The following KALRN variants were observed in gnomAD, a reference collection of about 807,000 sequenced individuals.
KALRN encodes kalirin RhoGEF kinase.
KALRN carries 70 observed loss-of-function variants against 353.7 expected under a neutral mutation model. The ratio of observed to expected loss-of-function variants is 0.20; its 90% CI spans 0.16 to 0.24. The LOEUF (loss-of-function observed/expected upper bound fraction) is 0.24. KALRN is among the 10% of genes least tolerant of loss of function. KALRN has a pLI of 1.00. For synonymous variants in KALRN, 1,391 were observed against 1,434.8 expected (o/e 0.97, Z 0.69); for missense variants, 2,791 against 3,756.7 (o/e 0.74, Z 6.72).
At chr3:124,707,538 A>C (rs531740473) in intron 57 of KALRN, among the ~76,000 whole-genome samples, 1 of 151,768 alleles carries the variant, frequency 6.6e-6, no homozygotes, top group South Asian at 2.1e-4. Context: ...GCTTTGATAC[A>C]AGTGTGGGCC....
chr3:124,532,471 G>C (rs2068123190), intron 33 of KALRN, among the ~76,000 whole-genome samples: 1 of 152,150 alleles, frequency 6.6e-6, no homozygotes. Flanking sequence ...TCAGGTATAT[G>C]AGCTTTGAAA....
intron 1 of KALRN, among the ~76,000 whole-genome samples, chr3:124,138,145 C>T (rs987806425): frequency 6.6e-6 from 1 of 152,184 alleles, no homozygotes; most frequent in African/African-American, 2.4e-5. Context: ...GCCACTTCCA[C>T]CACCCTCCTG....
intron 54 of KALRN, among the ~76,000 whole-genome samples, chr3:124,697,342 A>G (rs1397162063): frequency 4.6e-5 from 7 of 152,158 alleles, no homozygotes; most frequent in Admixed American, 4.6e-4. Flanking sequence ...TAAACCTACC[A>G]TCAACATGTT....
At chr3:124,344,301 A>G (rs561891571) in intron 9 of KALRN, among the ~76,000 whole-genome samples, 2 of 152,240 alleles carry the variant, frequency 1.3e-5, no homozygotes, top group Non-Finnish European at 2.9e-5. Flanking sequence ...CAAGCCACAC[A>G]TAAATTTATA....
At chr3:124,301,756 A>G (rs561578936) in intron 6 of KALRN, among the ~76,000 whole-genome samples, 3 of 152,318 alleles carry the variant, frequency 2.0e-5, no homozygotes, top group African/African-American at 7.2e-5. Context: ...TGACTACAGG[A>G]ATGATCAGTT....
intron 1 of KALRN, among the ~76,000 whole-genome samples, chr3:124,092,014 G>A (rs2061147656): frequency 4.6e-5 from 7 of 152,146 alleles, no homozygotes; most frequent in Admixed American, 4.6e-4. Context: ...GCTCCAAGGA[G>A]CCCAGCCTGA....
chr3:124,362,300 C>T (rs1234158023), intron 10 of KALRN, among the ~76,000 whole-genome samples: 2 of 152,184 alleles, frequency 1.3e-5, no homozygotes, highest in African/African-American at 4.8e-5. Flanking sequence ...CAATTTTGTT[C>T]AGAATAAATT....
intron 13 of KALRN, among the ~76,000 whole-genome samples, chr3:124,403,600 T>A (rs1032111610): frequency 4.6e-5 from 7 of 152,160 alleles, no homozygotes; most frequent in Non-Finnish European, 2.9e-5. Context: ...TGGGGAGAAA[T>A]GGCATTCAAG....
At chr3:124,407,104 G>A (rs371330420) in intron 13 of KALRN, among the ~76,000 whole-genome samples, 14 of 152,192 alleles carry the variant, frequency 9.2e-5, no homozygotes, top group African/African-American at 1.7e-4. Context: ...GATTACAGGC[G>A]TGAGTCACTG....
At chr3:124,265,881 T>C (rs1198974386) in intron 4 of KALRN, among the ~76,000 whole-genome samples, 1 of 152,148 alleles carries the variant, frequency 6.6e-6, no homozygotes, top group Non-Finnish European at 1.5e-5. Flanking sequence ...TTTGGGAGGC[T>C]GAGGAGGGTG....
At chr3:124,589,393 C>A (rs901441213) in intron 34 of KALRN, among the ~76,000 whole-genome samples, 1 of 152,144 alleles carries the variant, frequency 6.6e-6, no homozygotes, top group Non-Finnish European at 1.5e-5. Flanking sequence ...CCCAGGAGAT[C>A]AAGACCAGCC....
intron 10 of KALRN, among the ~76,000 whole-genome samples, chr3:124,380,867 T>C (rs145567420): frequency 3.9e-5 from 6 of 152,198 alleles, no homozygotes; most frequent in Non-Finnish European, 8.8e-5. Flanking sequence ...AATTCTAGCA[T>C]GTAAGGTCTT....
At chr3:124,275,371 T>G (rs1259654775) in intron 5 of KALRN, among the ~76,000 whole-genome samples, 1 of 152,242 alleles carries the variant, frequency 6.6e-6, no homozygotes. Flanking sequence ...TACTTTTTGC[T>G]TTTGTGCTTT....
chr3:124,124,692 C>T (rs750935865), intron 1 of KALRN, among the ~76,000 whole-genome samples: 1 of 152,232 alleles, frequency 6.6e-6, no homozygotes, highest in Non-Finnish European at 1.5e-5. Context: ...CAACCACTAT[C>T]CTGATTTCTG....
chr3:124,563,078 C>T lies in KALRN; in HGVS notation c.5171C>T (p.Pro1724Leu), dbSNP rs770391355. 2 of 1,367,556 alleles carry T rather than the reference C, an allele frequency of 1.5e-6. No homozygotes were observed. Among genetic ancestry groups the T allele is most frequent in the Non-Finnish European group, 9.8e-7 (1 of 1,021,912 alleles). 84.7% of individuals were successfully genotyped at this position (1,367,556 alleles called of 1,614,324 possible). The change falls in exon 34 of 60, where the codon CCC becomes CTC. Residue 1724 changes from proline (P) to leucine (L), a missense_variant. Pro to Leu is a moderately conservative substitution (Grantham distance 98, BLOSUM62 -3). This residue lies in a region of KALRN where 239 missense variants were observed against 351.3 expected (regional missense o/e 0.68). Coordinates refer to ENST00000682506, the MANE Select transcript of KALRN (RefSeq NM_001388419.1). ...RSSVEMDCFF[P>L]LVKDAYSHSS... ...AGCGTGGAGATGGACTGCTTCTTCC[C>T]CTTGGTGAAAGGTAGGAGAACAGAG...
At chr3:124,464,276 T>C (rs1269905514) in intron 25 of KALRN, among the ~76,000 whole-genome samples, 1 of 152,050 alleles carries the variant, frequency 6.6e-6, no homozygotes, top group Admixed American at 6.6e-5. Context: ...AGCCTAGAGA[T>C]CACAGCACGC....
At chr3:124,639,827 T>G (rs2081829230) in intron 37 of KALRN, among the ~76,000 whole-genome samples, 1 of 152,220 alleles carries the variant, frequency 6.6e-6, no homozygotes, top group African/African-American at 2.4e-5. Flanking sequence ...TAGAGCTATC[T>G]TTGGCTTAAC....
At chr3:124,622,941 G>T (rs2079446505) in intron 34 of KALRN, among the ~76,000 whole-genome samples, 1 of 151,134 alleles carries the variant, frequency 6.6e-6, no homozygotes, top group Non-Finnish European at 1.5e-5. Context: ...TTTTTTTTAG[G>T]TGTAACATTG....
intron 3 of KALRN, among the ~76,000 whole-genome samples, chr3:124,240,531 C>T (rs2080304120): frequency 6.6e-6 from 1 of 152,124 alleles, no homozygotes. Context: ...CTGTGGCCTT[C>T]AGTGGAAGAT....
Sources: allele counts gnomAD v4.1 joint callset (sites outside exome capture counted in the v4.1 genomes callset), GRCh38; gene constraint gnomAD v4.1.1; regional missense constraint gnomAD v4.1.1; transcripts MANE v1.5; gene names NCBI Gene and HGNC (gene_info 2026-07-23, HGNC 2026-07-21).